Variants in FBXO11 observed in about 807,000 individuals in gnomAD.
The protein encoded by FBXO11 is F-box protein 11.
FBXO11 carries 13 observed loss-of-function variants against 117.0 expected under a neutral mutation model. The observed-to-expected ratio is 0.11, with a 90% CI of 0.07 to 0.18. The LOEUF (loss-of-function observed/expected upper bound fraction) is 0.18. Among genes scored for constraint, FBXO11 ranks in the 10% least tolerant of loss-of-function variants. The pLI, the probability that FBXO11 is intolerant of heterozygous loss-of-function variation, is 1.00. For synonymous variants in FBXO11, 490 were observed against 380.5 expected, an observed-to-expected ratio of 1.29 and a Z score of -3.35; for missense variants, 767 against 1,164.4, an observed-to-expected ratio of 0.66 and a Z score of 4.97.
intron 1 of FBXO11, among the ~76,000 whole-genome samples, chr2:47,887,543 C>T (rs1002135978): frequency 4.0e-5 from 6 of 151,796 alleles, no homozygotes; most frequent in Non-Finnish European, 7.4e-5. Flanking sequence ...ACCTAGGAGA[C>T]AAAACAAGAC....
chr2:47,874,565 TG>T (rs1452299961), intron 1 of FBXO11, among the ~76,000 whole-genome samples: 1 of 152,032 alleles, frequency 6.6e-6, no homozygotes, highest in Non-Finnish European at 1.5e-5. Flanking sequence ...GACAGAGTCT[TG>T]CTCTGTTGCC....
At chr2:47,832,200 A>T in intron 11 of FBXO11, 149 bp downstream of exon 11, 1 of 609,942 alleles carries the variant, frequency 1.6e-6, no homozygotes, top group Non-Finnish European at 2.7e-6. Context: ...TAAATATTTC[A>T]TATTAATTTT....
At chr2:47,839,948 T>A (rs1156873274) in intron 1 of FBXO11, among the ~76,000 whole-genome samples, 179 bp from the exon 2 acceptor site, 1 of 144,930 alleles carries the variant, frequency 6.9e-6, no homozygotes, top group Non-Finnish European at 1.5e-5. Flanking sequence ...ATGTGGAAGA[T>A]TTTTTTTTTT....
At chr2:47,869,152 A>G (rs1675420872) in intron 1 of FBXO11, among the ~76,000 whole-genome samples, 1 of 152,216 alleles carries the variant, frequency 6.6e-6, no homozygotes, top group Non-Finnish European at 1.5e-5. Context: ...CCAGGAAACA[A>G]ACGGTGGAAA....
At chr2:47,897,015 CTTGT>C (rs1221485937) in intron 1 of FBXO11, among the ~76,000 whole-genome samples, 1 of 152,056 alleles carries the variant, frequency 6.6e-6, no homozygotes, top group Non-Finnish European at 1.5e-5. Flanking sequence ...CCCTTTAAAG[CTTGT>C]TTTTTTCTTT....
At chr2:47,855,279 C>A (rs1228387689) in intron 1 of FBXO11, among the ~76,000 whole-genome samples, 1 of 151,718 alleles carries the variant, frequency 6.6e-6, no homozygotes, top group East Asian at 1.9e-4. Context: ...CAGCTCACTG[C>A]AGCCTCGACT....
In FBXO11 at chr2:47,832,804, A is replaced by G. The variant is rs766012117; in HGVS notation, c.1118T>C (p.Ile373Thr). ...CLEITVNCSP[I>T]IDHCIIRSTC... ...ACTTCGGATGATACAGTGATCAATA[A>G]TAGGGCTACAATTTACTGTAATCTC... The change falls in exon 9 of 23, where the codon ATT (isoleucine) becomes ACT (threonine). Residue 373 changes from isoleucine to threonine, a missense_variant. Physicochemically the swap from Ile to Thr is moderately conservative, Grantham distance 89. This residue lies in a region of FBXO11 where 123 missense variants were observed against 145.0 expected (regional missense o/e 0.85). Transcript: ENST00000403359. The G allele has an allele frequency of 5.0e-6, 8 of 1,613,842 alleles. No homozygotes were observed. Among genetic ancestry groups the G allele is most frequent in the Non-Finnish European group, 6.8e-6 (8 of 1,179,744 alleles).
chr2:47,857,472 A>G (rs1385903020), intron 1 of FBXO11, among the ~76,000 whole-genome samples: 1 of 152,176 alleles, frequency 6.6e-6, no homozygotes, highest in Non-Finnish European at 1.5e-5. Context: ...TATATATGCA[A>G]CCAGATCATG....
chr2:47,828,063 T>C (rs1202977461), intron 11 of FBXO11, among the ~76,000 whole-genome samples: 1 of 152,058 alleles, frequency 6.6e-6, no homozygotes, highest in African/African-American at 2.4e-5. Flanking sequence ...CATTACAACC[T>C]TGAACTTCTG....
At chr2:47,853,678 G>A (rs1674056893) in intron 1 of FBXO11, among the ~76,000 whole-genome samples, 1 of 152,086 alleles carries the variant, frequency 6.6e-6, no homozygotes, top group Non-Finnish European at 1.5e-5. Flanking sequence ...AGATAATCAT[G>A]GTGCTTACCT....
intron 1 of FBXO11, among the ~76,000 whole-genome samples, chr2:47,867,253 T>C (rs1007701386): frequency 2.6e-5 from 4 of 152,230 alleles, no homozygotes; most frequent in African/African-American, 9.6e-5. Flanking sequence ...TCACTTTACA[T>C]GTTTATCCTG....
At chr2:47,885,623 A>G (rs1223926693) in intron 1 of FBXO11, among the ~76,000 whole-genome samples, 1 of 152,218 alleles carries the variant, frequency 6.6e-6, no homozygotes, top group Non-Finnish European at 1.5e-5. Context: ...TGTCTAAGGA[A>G]GAATTTTGTA....
At chr2:47,893,620 A>T (rs1677432984) in intron 1 of FBXO11, among the ~76,000 whole-genome samples, 1 of 152,254 alleles carries the variant, frequency 6.6e-6, no homozygotes, top group Non-Finnish European at 1.5e-5. Flanking sequence ...CTTAACTTTA[A>T]GTTCCACAAG....
chr2:47,901,101 A>ATG (rs1306321465), intron 1 of FBXO11, among the ~76,000 whole-genome samples: 1 of 108,656 alleles, frequency 9.2e-6, no homozygotes, highest in African/African-American at 3.3e-5. Context: ...ATATACATAT[A>ATG]TATGTATATA....
chr2:47,826,932 C>A (rs947315674), intron 11 of FBXO11, among the ~76,000 whole-genome samples: 1 of 152,120 alleles, frequency 6.6e-6, no homozygotes, highest in Admixed American at 6.5e-5. Context: ...TTAGGTTTAC[C>A]AATTTATCTT....
chr2:47,809,484 A>T lies in FBXO11; in HGVS notation c.2446+116T>A, dbSNP rs1051174863. ...CAAAGCTCTGTTTCTTTCAAAATCT[A>T]TCTTAAACTGTTGCTAACTTGGAGA... On this transcript the variant is annotated intron_variant, in intron 20 of 22. Transcript: ENST00000403359. 1.0e-5 allele frequency: 8 copies of T among 800,134 alleles called. No homozygotes were observed. In the African/African-American group the frequency reaches 1.4e-4, roughly 14 times the overall value. 49.6% of individuals were successfully genotyped at this position (800,134 alleles called of 1,614,324 possible). A position where few individuals can be genotyped will look rare whatever the true frequency, so the allele number is the denominator to read the frequency against.
intron 1 of FBXO11, among the ~76,000 whole-genome samples, chr2:47,851,882 T>A (rs565952090): frequency 6.6e-6 from 1 of 152,252 alleles, no homozygotes; most frequent in Non-Finnish European, 1.5e-5. Context: ...CTTTCCTTTG[T>A]GAATTCACAC....
intron 16 of FBXO11, among the ~76,000 whole-genome samples, chr2:47,816,999 G>C (rs1202181514): frequency 6.6e-6 from 1 of 152,114 alleles, no homozygotes; most frequent in African/African-American, 2.4e-5. Flanking sequence ...TTTGAAGTCA[G>C]GCATTGACTT....
intron 18 of FBXO11, chr2:47,810,734 G>A (rs1670552808): frequency 4.5e-6 from 1 of 223,144 alleles, no homozygotes; most frequent in African/African-American, 2.3e-5. Flanking sequence ...AATGAGTATT[G>A]CTGAATTAAA....
Sources: gnomAD v4.1 joint callset for allele counts (sites outside exome capture counted in the v4.1 genomes callset) on GRCh38, gnomAD v4.1.1 for gene constraint, gnomAD v4.1.1 regional missense constraint, MANE v1.5 for transcripts, NCBI Gene and HGNC (gene_info 2026-07-23, HGNC 2026-07-21) for gene names.